Variants in PRKDC observed in about 807,000 individuals in gnomAD.
The protein encoded by PRKDC is DNA-dependent protein kinase catalytic subunit.
A neutral mutation model predicts 486.9 loss-of-function variants in PRKDC; 82 were observed. That is an observed-to-expected ratio of 0.17 (90% CI 0.14 to 0.20). PRKDC has a LOEUF of 0.20. PRKDC is among the 10% of genes least tolerant of loss of function. PRKDC has a pLI of 1.00. For synonymous variants in PRKDC, 1,895 were observed against 1,837.0 expected, an observed-to-expected ratio of 1.03 and a Z score of -0.81; for missense variants, 4,504 against 5,038.2, an observed-to-expected ratio of 0.89 and a Z score of 3.21.
chr8:47,783,681 T>C (rs1243238647), intron 78 of PRKDC, 61 bp downstream of exon 78: 1 of 1,533,256 alleles, frequency 6.5e-7, no homozygotes, highest in Non-Finnish European at 9.0e-7. Flanking sequence ...GGCAAACAGA[T>C]CATTCTCATC....
chr8:47,820,086 A>G (rs559468935), intron 66 of PRKDC, among the ~76,000 whole-genome samples: 2 of 152,278 alleles, frequency 1.3e-5, no homozygotes, highest in African/African-American at 4.8e-5. Context: ...TCTACAAAGC[A>G]ACCAAACTTC....
intron 63 of PRKDC, 133 bp downstream of exon 63, chr8:47,826,523 T>G (rs2087741033): frequency 2.1e-6 from 2 of 940,954 alleles, no homozygotes; most frequent in African/African-American, 3.3e-5. Context: ...CCTGAAAGAC[T>G]TTTCTTTTAA....
rs905745965 is a variant in PRKDC, at chr8:47,864,457, T to G, written c.5571+99A>C. On this transcript the variant is annotated intron_variant, in intron 41 of 85. Transcript: ENST00000314191. ...ACAGACTGTTATGTGGCACACTCCT[T>G]GAACAGCAGAGGCCATGTGACTGAG... The G allele has an allele frequency of 1.7e-5, 19 of 1,110,336 alleles. No homozygotes were observed. The African/African-American group carries it at 3.0e-4, about 17-fold the overall frequency. 68.8% of individuals were successfully genotyped at this position (1,110,336 alleles called of 1,614,324 possible).
At chr8:47,898,354 C>T in intron 29 of PRKDC, 116 bp downstream of exon 29, 2 of 822,770 alleles carry the variant, frequency 2.4e-6, no homozygotes, top group Non-Finnish European at 3.8e-6. Flanking sequence ...CCACACATTC[C>T]TTGTTTAGGA....
chr8:47,855,516 G>A lies in PRKDC; in HGVS notation c.6610-143C>T, dbSNP rs574425573. On this transcript the variant is annotated intron_variant, in intron 49 of 85. Transcript: ENST00000314191. ...AAAGCCCTGTGATTTTTCAGAAACAGGTAACAACAAAGGCTGACCTGGCAA... is the reference window on the plus strand; with the variant it reads ...AAAGCCCTGTGATTTTTCAGAAACAAGTAACAACAAAGGCTGACCTGGCAA... The A allele has an allele frequency of 1.0e-5, 9 of 897,664 alleles. No homozygotes were observed. In the Admixed American group the frequency reaches 1.5e-4, roughly 15 times the overall value. 55.6% of individuals were successfully genotyped at this position (897,664 alleles called of 1,614,324 possible).
intron 10 of PRKDC, 77 bp downstream of exon 10, chr8:47,943,132 A>G: frequency 2.1e-6 from 3 of 1,462,804 alleles, no homozygotes; most frequent in Non-Finnish European, 2.8e-6. Flanking sequence ...TTTATTTTCA[A>G]ACATGCATGC....
At chr8:47,943,628 C>T (rs1238521519) in intron 9 of PRKDC, among the ~76,000 whole-genome samples, 1 of 152,172 alleles carries the variant, frequency 6.6e-6, no homozygotes, top group Non-Finnish European at 1.5e-5. Flanking sequence ...CAGCCTGGAT[C>T]CCCTGAAAGA....
intron 54 of PRKDC, among the ~76,000 whole-genome samples, chr8:47,843,252 A>G (rs150373095): frequency 1.1e-4 from 17 of 152,352 alleles, no homozygotes; most frequent in Middle Eastern, 3.4e-3. Context: ...TTCATAATAC[A>G]GTTGGAAACA....
chr8:47,901,359 A>T (rs1475706017), intron 27 of PRKDC, among the ~76,000 whole-genome samples: 1 of 151,516 alleles, frequency 6.6e-6, no homozygotes, highest in Non-Finnish European at 1.5e-5. Context: ...CTGTAATCCC[A>T]CCTACTTGGA....
At chr8:47,929,524 G>T (rs1393643480) in intron 18 of PRKDC, among the ~76,000 whole-genome samples, 1 of 152,212 alleles carries the variant, frequency 6.6e-6, no homozygotes, top group African/African-American at 2.4e-5. Flanking sequence ...AGAATCACCT[G>T]GTGGTGCTTA....
At chr8:47,794,552 T>C in intron 73 of PRKDC, 51 bp from the exon 74 acceptor site, 1 of 1,422,094 alleles carries the variant, frequency 7.0e-7, no homozygotes, top group Non-Finnish European at 9.7e-7. Context: ...TCACATCATC[T>C]GTTATAAAAG....
rs1181861878 is a variant in PRKDC at position 47,782,704 on chromosome 8, A to G, written c.11176-106T>C. On this transcript the variant is annotated intron_variant, in intron 78 of 85. Transcript: ENST00000314191. The surrounding 1 kb of genome is among the most constrained non-coding windows in gnomAD (Gnocchi z 4.9). ...CATTCCTCCGTGGGGCCGCCCTCTG[A>G]AGACAGTGCCAAAGAGCAGAGCGCC... is the stretch of plus-strand genomic sequence containing the variant. 7.9e-6 allele frequency: 10 copies of G among 1,273,226 alleles called. No individual in the cohort carries two copies. Among genetic ancestry groups the G allele is most frequent in the Non-Finnish European group, 1.1e-5 (10 of 924,404 alleles). 78.9% of individuals were successfully genotyped at this position (1,273,226 alleles called of 1,614,324 possible). A position where few individuals can be genotyped will look rare whatever the true frequency, so the allele number is the denominator to read the frequency against.
At chr8:47,882,215 A>C in intron 36 of PRKDC, 118 bp from the exon 37 acceptor site, 1 of 936,330 alleles carries the variant, frequency 1.1e-6, no homozygotes, top group Non-Finnish European at 1.6e-6. Flanking sequence ...TCTATAATAG[A>C]TGTTTATCTA....
intron 18 of PRKDC, 131 bp from the exon 19 acceptor site, chr8:47,929,309 G>T: frequency 1.5e-6 from 1 of 675,624 alleles, no homozygotes; most frequent in Non-Finnish European, 2.6e-6. Flanking sequence ...AAGACAGGAG[G>T]CAGAATCAGC....
intron 35 of PRKDC, among the ~76,000 whole-genome samples, chr8:47,886,638 C>T (rs904511049): frequency 5.3e-5 from 8 of 151,996 alleles, no homozygotes; most frequent in African/African-American, 9.7e-5. Context: ...GCAATTCACC[C>T]GCCTTGGCCT....
At chr8:47,949,600 TA>T (rs1338244589) in intron 7 of PRKDC, among the ~76,000 whole-genome samples, 1 of 152,136 alleles carries the variant, frequency 6.6e-6, no homozygotes, top group Admixed American at 6.5e-5. Context: ...AGGAGAGAAT[TA>T]AACATATGAC....
intron 21 of PRKDC, among the ~76,000 whole-genome samples, chr8:47,923,255 C>T (rs938914011): frequency 6.6e-6 from 1 of 151,764 alleles, no homozygotes; most frequent in Non-Finnish European, 1.5e-5. Flanking sequence ...AGTAGAGACA[C>T]GGTTTCACCA....
At chr8:47,950,546 G>A (rs962066333) in intron 7 of PRKDC, among the ~76,000 whole-genome samples, 7 of 149,684 alleles carry the variant, frequency 4.7e-5, no homozygotes, top group Non-Finnish European at 7.4e-5. Context: ...GGAGAATGGC[G>A]TGAACCCGGA....
intron 74 of PRKDC, among the ~76,000 whole-genome samples, chr8:47,790,352 G>A (rs1326030783): frequency 6.6e-6 from 1 of 152,146 alleles, no homozygotes; most frequent in East Asian, 1.9e-4. Context: ...CTTCGCCAAA[G>A]AAATGAAAGA....
Sources: allele counts gnomAD v4.1 joint callset (sites outside exome capture counted in the v4.1 genomes callset), GRCh38; gene constraint gnomAD v4.1.1; non-coding constraint Gnocchi (gnomAD v3.1); transcripts MANE v1.5; gene names NCBI Gene and HGNC (gene_info 2026-07-23, HGNC 2026-07-21).